The following NLGN4X variants were observed in gnomAD, a reference collection of about 807,000 sequenced individuals.
NLGN4X encodes neuroligin 4 X-linked.
NLGN4X carries 3 observed loss-of-function variants against 40.3 expected under a neutral mutation model. That is an observed-to-expected ratio of 0.07 (90% CI 0.03 to 0.19). The LOEUF is 0.19. Ranked by LOEUF, NLGN4X falls within the 10% of genes least tolerant of loss-of-function variation. The pLI, the probability that NLGN4X is intolerant of heterozygous loss-of-function variation, is 1.00. For missense variants in NLGN4X, 382 were observed against 708.3 expected (o/e 0.54, Z 5.23); for synonymous variants, 270 against 306.8 (o/e 0.88, Z 1.25).
At chrX:6,045,882 T>C (rs1367337080) in intron 2 of NLGN4X, among the ~76,000 whole-genome samples, 1 of 111,307 alleles carries the variant, frequency 9.0e-6, no homozygotes, top group East Asian at 2.8e-4. Context: ...TATTGAGAAC[T>C]GAAAATATCA....
chrX:5,947,612 T>C (rs1236827036), intron 3 of NLGN4X, among the ~76,000 whole-genome samples: 4 of 112,029 alleles, frequency 3.6e-5, no homozygotes, highest in Non-Finnish European at 7.5e-5. Flanking sequence ...GAATCAAAAG[T>C]AGCTTCAAGT....
intron 3 of NLGN4X, among the ~76,000 whole-genome samples, chrX:6,019,203 G>A (rs966853323): frequency 8.9e-6 from 1 of 111,785 alleles, no homozygotes; most frequent in Non-Finnish European, 1.9e-5. Flanking sequence ...AATTATACTA[G>A]AACACAACAC....
chrX:6,145,865 G>A (rs772700246), intron 2 of NLGN4X, among the ~76,000 whole-genome samples: 8 of 110,840 alleles, frequency 7.2e-5, no homozygotes, highest in African/African-American at 2.6e-4. Context: ...GCTTATGCTG[G>A]TAATGCCAGC....
At chrX:6,166,897 C>T (rs1216822215) in intron 1 of NLGN4X, among the ~76,000 whole-genome samples, 1 of 108,980 alleles carries the variant, frequency 9.2e-6, no homozygotes, top group African/African-American at 3.4e-5. Context: ...CATGGCAAAA[C>T]CTTGTTTCTA....
At chrX:6,188,459 T>C (rs1922273846) in intron 1 of NLGN4X, among the ~76,000 whole-genome samples, 1 of 111,667 alleles carries the variant, frequency 9.0e-6, no homozygotes, top group African/African-American at 3.3e-5. Context: ...ATTTACCCCA[T>C]TGTCTGCCTT....
intron 1 of NLGN4X, among the ~76,000 whole-genome samples, chrX:6,194,414 G>A (rs1922862680): frequency 9.0e-6 from 1 of 111,024 alleles, no homozygotes; most frequent in Non-Finnish European, 1.9e-5. Flanking sequence ...AAGAACCATC[G>A]ATAAGTAACA....
chrX:5,924,377 CCTCT>C (rs2033192654), intron 3 of NLGN4X, among the ~76,000 whole-genome samples: 1 of 107,658 alleles, frequency 9.3e-6, no homozygotes, highest in Non-Finnish European at 1.9e-5. Context: ...AAAAAAAAAA[CCTCT>C]CTAATTGACC....
intron 2 of NLGN4X, among the ~76,000 whole-genome samples, chrX:6,090,526 T>C: frequency 8.9e-6 from 1 of 111,843 alleles, no homozygotes; most frequent in South Asian, 3.7e-4. Context: ...TTTATGCTGC[T>C]ATATGAAGGA....
At chrX:5,992,322 C>T (rs182032046) in intron 3 of NLGN4X, among the ~76,000 whole-genome samples, 18 of 112,013 alleles carry the variant, frequency 1.6e-4, no homozygotes, top group Non-Finnish European at 3.2e-4. Flanking sequence ...AAAGAAAAGA[C>T]GGTCCAGGCA....
chrX:5,978,312 CTTTCTTTCTTTCTTTCTTTCTTTCTT>C (rs1569164830), intron 3 of NLGN4X, among the ~76,000 whole-genome samples: 5 of 92,638 alleles, frequency 5.4e-5, no homozygotes, highest in African/African-American at 2.2e-4. Flanking sequence ...TTCTTTCTTT[CTTTCTTTCTTTCTTTCTTTCTTTCTT>C]TCTTTCCCTT....
Position 6,071,793 on chromosome X carries a change from T to C in NLGN4X, c.473-42361A>G, listed in dbSNP as rs147919932. Among the ~76,000 whole-genome samples, 35 of 111,595 alleles carry C rather than the reference T, an allele frequency of 3.1e-4. No individual in the cohort carries two copies. In the East Asian group the frequency reaches 9.4e-3, roughly 30 times the overall value. On this transcript the variant is annotated intron_variant, in intron 2 of 5. Transcript: ENST00000381095. Reference sequence around the variant, plus strand: ...ACATTAAATGAAGATGCTTGGAGAGTGCTTTGTGAACGACAGCCTGGCTGC... The same window carrying C: ...ACATTAAATGAAGATGCTTGGAGAGCGCTTTGTGAACGACAGCCTGGCTGC...
chrX:5,965,248 G>T (rs987361728), intron 3 of NLGN4X, among the ~76,000 whole-genome samples: 1 of 111,842 alleles, frequency 8.9e-6, no homozygotes, highest in African/African-American at 3.2e-5. Flanking sequence ...AGCATCAAAC[G>T]TTTCATCTGC....
chrX:5,892,758 C>T lies in NLGN4X; in HGVS notation c.*59G>A. 1 of 1,186,437 alleles carries T rather than the reference C, an allele frequency of 8.4e-7. No individual in the cohort carries two copies. Among genetic ancestry groups the T allele is most frequent in the Non-Finnish European group, 1.1e-6 (1 of 874,578 alleles). ...TCTCTCTTTCCTTCTCTCTTTCCTT[C>T]CCTCTTCTATGTTGCTGAGCGGGTA... On this transcript the variant is annotated 3_prime_UTR_variant, in exon 6 of 6. Transcript: ENST00000381095.
chrX:5,925,857 TATATATATATATATACATACACAC>T (rs1342494087), intron 3 of NLGN4X, among the ~76,000 whole-genome samples: 1 of 59,462 alleles, frequency 1.7e-5, no homozygotes, highest in African/African-American at 7.2e-5. Context: ...TACACATATA[TATATATATATATATACATACACAC>T]ATATATATAT....
Position 5,902,054 on chromosome X carries a change from T to G in NLGN4X, c.1601+1023A>C, listed in dbSNP as rs932921531. Among the ~76,000 whole-genome samples the G allele has an allele frequency of 5.4e-5, 6 of 110,357 alleles. No homozygotes were observed. In the East Asian group the frequency reaches 1.4e-3, roughly 26 times the overall value. ...CCCAAGTGGTACATGTGCTGTGATA[T>G]CCTTGCAAATTAACAAAAGAGATAT... is the stretch of plus-strand genomic sequence containing the variant. On this transcript the variant is annotated intron_variant, in intron 5 of 5. Transcript: ENST00000381095.
intron 3 of NLGN4X, among the ~76,000 whole-genome samples, chrX:5,917,744 A>G (rs2032867572): frequency 8.9e-6 from 1 of 112,117 alleles, no homozygotes; most frequent in African/African-American, 3.2e-5. Flanking sequence ...TACACATACT[A>G]GGAACAAAGA....
chrX:6,010,278 T>TG (rs1192813741), intron 3 of NLGN4X, among the ~76,000 whole-genome samples: 1 of 109,232 alleles, frequency 9.2e-6, no homozygotes, highest in Non-Finnish European at 1.9e-5. Context: ...GTCATGAATT[T>TG]GGGGGTGGGA....
intron 3 of NLGN4X, among the ~76,000 whole-genome samples, chrX:5,971,671 T>C (rs1482562620): frequency 2.7e-5 from 3 of 112,126 alleles, no homozygotes; most frequent in Non-Finnish European, 5.6e-5. Flanking sequence ...ATTTCTTTAA[T>C]GAATTTCTTC....
intron 2 of NLGN4X, among the ~76,000 whole-genome samples, chrX:6,120,425 C>T (rs1017884557): frequency 9.0e-6 from 1 of 111,671 alleles, no homozygotes; most frequent in African/African-American, 3.3e-5. Context: ...GTAGCTCAGG[C>T]AGCTCATTAT....
Sources: allele counts gnomAD v4.1 joint callset (sites outside exome capture counted in the v4.1 genomes callset), GRCh38; gene constraint gnomAD v4.1.1; transcripts MANE v1.5; gene names NCBI Gene and HGNC (gene_info 2026-07-23, HGNC 2026-07-21).